Variants in RBMS3 observed in about 807,000 individuals in gnomAD.
The protein encoded by RBMS3 is RNA-binding motif, single-stranded-interacting protein 3.
In RBMS3, 27 loss-of-function variants were observed where a neutral mutation model predicts 66.8. That is an observed-to-expected ratio of 0.40 (90% confidence interval 0.30 to 0.56). The LOEUF (loss-of-function observed/expected upper bound fraction) is 0.56. RBMS3 is among the 20% of genes least tolerant of loss of function. RBMS3 has a pLI of 0.40. For synonymous variants in RBMS3, 188 were observed against 183.0 expected (o/e 1.03, Z -0.22); for missense variants, 513 against 549.5 (o/e 0.93, Z 0.66).
intron 6 of RBMS3, chr3:29,766,177 A>G (rs1039357899): frequency 6.6e-6 from 1 of 151,896 alleles, no homozygotes. Flanking sequence ...TGTGGGGAAA[A>G]TGTGCCTGTG....
At chr3:29,302,786 A>G (rs2033769547) in intron 1 of RBMS3, among the ~76,000 whole-genome samples, 1 of 152,012 alleles carries the variant, frequency 6.6e-6, no homozygotes, top group Non-Finnish European at 1.5e-5. Flanking sequence ...GCTGGGATGC[A>G]TTATCACTTG....
At chr3:29,300,294 G>T (rs1436148966) in intron 1 of RBMS3, among the ~76,000 whole-genome samples, 2 of 151,836 alleles carry the variant, frequency 1.3e-5, no homozygotes, top group Non-Finnish European at 2.9e-5. Context: ...ATACATGCCC[G>T]GTTATATAGC....
At chr3:29,674,225 A>C (rs1226755507) in intron 4 of RBMS3, among the ~76,000 whole-genome samples, 1 of 152,218 alleles carries the variant, frequency 6.6e-6, no homozygotes, top group Non-Finnish European at 1.5e-5. Flanking sequence ...AAAAACTCTC[A>C]GTAAACTAGG....
chr3:29,555,588 A>G (rs2046331189), intron 3 of RBMS3, among the ~76,000 whole-genome samples: 1 of 152,212 alleles, frequency 6.6e-6, no homozygotes, highest in African/African-American at 2.4e-5. Context: ...ACAAGGTGCA[A>G]GAAATCAAGC....
chr3:29,517,330 G>GT (rs58410966), intron 3 of RBMS3, among the ~76,000 whole-genome samples: 1,975 of 108,526 alleles, frequency 0.018, 63 homozygotes, highest in African/African-American at 0.065. Flanking sequence ...TTTTTTTTTT[G>GT]TTTTTTTTTT....
At chr3:29,382,582 A>G (rs1014355584) in intron 1 of RBMS3, among the ~76,000 whole-genome samples, 2 of 152,204 alleles carry the variant, frequency 1.3e-5, no homozygotes, top group African/African-American at 4.8e-5. Context: ...ATGAGCACCG[A>G]AGCACTGCAA....
chr3:29,415,130 C>A (rs769754675), intron 1 of RBMS3, among the ~76,000 whole-genome samples: 1 of 152,116 alleles, frequency 6.6e-6, no homozygotes, highest in Admixed American at 6.6e-5. Context: ...ATGAATTATG[C>A]AAATACATTT....
intron 1 of RBMS3, among the ~76,000 whole-genome samples, chr3:29,390,681 A>C (rs569886710): frequency 6.6e-6 from 1 of 152,324 alleles, no homozygotes; most frequent in South Asian, 2.1e-4. Flanking sequence ...ATATCTGTTA[A>C]GATTTCTTTA....
At chr3:29,861,584 A>G (rs551703038) in intron 6 of RBMS3, among the ~76,000 whole-genome samples, 5 of 152,370 alleles carry the variant, frequency 3.3e-5, no homozygotes, top group African/African-American at 1.2e-4. Context: ...ATTAAAGAAC[A>G]TTTTAGTGAC....
intron 3 of RBMS3, among the ~76,000 whole-genome samples, chr3:29,534,156 A>G (rs1287548659): frequency 1.3e-5 from 2 of 152,228 alleles, no homozygotes; most frequent in Admixed American, 6.5e-5. Flanking sequence ...AGATGCAGCA[A>G]TGTTTCTGAA....
chr3:29,966,981 G>A (rs1376577397), intron 12 of RBMS3, among the ~76,000 whole-genome samples: 1 of 152,146 alleles, frequency 6.6e-6, no homozygotes, highest in Non-Finnish European at 1.5e-5. Context: ...TGTTTATGTG[G>A]TGTATCACAC....
rs138167440 is a variant in RBMS3 at position 29,653,411 on chromosome 3, A to G, written c.399+66206A>G. Among the ~76,000 whole-genome samples the G allele has an allele frequency of 5.3e-5, 8 of 152,282 alleles. No individual in the cohort carries two copies. In the East Asian group the frequency reaches 1.5e-3, roughly 29 times the overall value. On this transcript the variant is annotated intron_variant, in intron 4 of 14. Transcript: ENST00000383767. ...CTCATTGTCGTCATTATCACTGAAG[A>G]TGCATAACGCTGTTTAAAGTCTGAA...
chr3:29,886,668 A>G (rs1192964331), intron 8 of RBMS3, among the ~76,000 whole-genome samples: 2 of 151,650 alleles, frequency 1.3e-5, no homozygotes, highest in African/African-American at 2.4e-5. Context: ...AAGTTCAAGT[A>G]TTTGGTTTTT....
chr3:29,298,416 C>T (rs1575492550), intron 1 of RBMS3, among the ~76,000 whole-genome samples: 1 of 151,976 alleles, frequency 6.6e-6, no homozygotes, highest in East Asian at 2.0e-4. Flanking sequence ...CCTAGATGTC[C>T]TTTAATTGAT....
chr3:29,997,780 G>A (rs1195666265), intron 14 of RBMS3, among the ~76,000 whole-genome samples: 1 of 151,952 alleles, frequency 6.6e-6, no homozygotes, highest in Admixed American at 6.6e-5. Context: ...AAAATAATAA[G>A]AGCTATCTAT....
intron 4 of RBMS3, among the ~76,000 whole-genome samples, chr3:29,696,742 T>C (rs1025497556): frequency 1.3e-5 from 2 of 152,134 alleles, no homozygotes; most frequent in Admixed American, 6.5e-5. Flanking sequence ...ACAACACTGA[T>C]AGATGGCGAT....
intron 5 of RBMS3, 151 bp downstream of exon 5, chr3:29,740,028 C>A: frequency 1.8e-6 from 1 of 570,000 alleles, no homozygotes; most frequent in Non-Finnish European, 2.8e-6. Flanking sequence ...CCCTCTGTGT[C>A]TTTGCTTGGA....
At chr3:29,297,097 G>A (rs2033327549) in intron 1 of RBMS3, among the ~76,000 whole-genome samples, 1 of 151,658 alleles carries the variant, frequency 6.6e-6, no homozygotes, top group Non-Finnish European at 1.5e-5. Flanking sequence ...TGCTAGTAGA[G>A]TAATAGTTGT....
At chr3:29,456,277 G>T (rs2042187210) in intron 2 of RBMS3, among the ~76,000 whole-genome samples, 1 of 152,088 alleles carries the variant, frequency 6.6e-6, no homozygotes, top group African/African-American at 2.4e-5. Context: ...GTTTAATTCA[G>T]AAGAGTGAGA....
Sources: allele counts gnomAD v4.1 joint callset (sites outside exome capture counted in the v4.1 genomes callset), GRCh38; gene constraint gnomAD v4.1.1; transcripts MANE v1.5; gene names NCBI Gene and HGNC (gene_info 2026-07-23, HGNC 2026-07-21).